Variants in DGKB observed in about 807,000 individuals in gnomAD.
The protein encoded by DGKB is 90 kDa diacylglycerol kinase.
A neutral mutation model predicts 114.3 loss-of-function variants in DGKB; 67 were observed. The observed-to-expected ratio is 0.59, with a 90% confidence interval of 0.48 to 0.72. The LOEUF is 0.72. Among genes scored for constraint, DGKB ranks in the 30% least tolerant of loss-of-function variants. DGKB has a pLI of 0.00. For synonymous variants in DGKB, 398 were observed against 323.1 expected, an observed-to-expected ratio of 1.23 and a Z score of -2.49; for missense variants, 907 against 975.2, an observed-to-expected ratio of 0.93 and a Z score of 0.93.
At chr7:14,359,524 C>G (rs1259831320) in intron 21 of DGKB, among the ~76,000 whole-genome samples, 1 of 151,564 alleles carries the variant, frequency 6.6e-6, no homozygotes, top group Admixed American at 6.6e-5. Flanking sequence ...TCAGAGTGAA[C>G]AGGCAACCTA....
chr7:14,783,562 T>C (rs1304441074), intron 2 of DGKB, among the ~76,000 whole-genome samples: 1 of 152,220 alleles, frequency 6.6e-6, no homozygotes, highest in East Asian at 1.9e-4. Flanking sequence ...AGGCAATTAA[T>C]GGAGTGGTTA....
chr7:14,177,382 C>G (rs1347248326), intron 24 of DGKB, among the ~76,000 whole-genome samples: 3 of 151,638 alleles, frequency 2.0e-5, no homozygotes, highest in African/African-American at 7.3e-5. Flanking sequence ...TGGTGAAACC[C>G]CATCTGTACT....
chr7:14,297,294 CA>C (rs1802748608), intron 23 of DGKB, among the ~76,000 whole-genome samples: 1 of 151,946 alleles, frequency 6.6e-6, no homozygotes, highest in African/African-American at 2.4e-5. Context: ...ATATGGATGC[CA>C]AAATTCTCAG....
At chr7:14,601,493 A>C (rs911587229) in intron 17 of DGKB, among the ~76,000 whole-genome samples, 1 of 152,136 alleles carries the variant, frequency 6.6e-6, no homozygotes, top group African/African-American at 2.4e-5. Context: ...TCATAAACAC[A>C]TTTCTCTTTC....
At chr7:14,489,423 A>G (rs371482484) in intron 20 of DGKB, among the ~76,000 whole-genome samples, 119 of 152,258 alleles carry the variant, frequency 7.8e-4, no homozygotes, top group African/African-American at 2.7e-3. Flanking sequence ...AATAATCAAG[A>G]TATCTTTCTC....
chr7:14,603,243 G>A (rs540989326), intron 17 of DGKB, among the ~76,000 whole-genome samples: 31 of 152,238 alleles, frequency 2.0e-4, no homozygotes, highest in Non-Finnish European at 2.8e-4. Flanking sequence ...AGAGCTTGCC[G>A]AATCATCTGC....
At chr7:14,910,867 T>C (rs1783967683) in intron 1 of DGKB, among the ~76,000 whole-genome samples, 1 of 152,208 alleles carries the variant, frequency 6.6e-6, no homozygotes, top group African/African-American at 2.4e-5. Context: ...ATATCACTAA[T>C]GCTTGAAATA....
At chr7:14,573,237 C>T (rs1798644607) in intron 20 of DGKB, among the ~76,000 whole-genome samples, 1 of 152,052 alleles carries the variant, frequency 6.6e-6, no homozygotes, top group Non-Finnish European at 1.5e-5. Context: ...GTATTAGTAA[C>T]CATTGTATAT....
intron 4 of DGKB, among the ~76,000 whole-genome samples, chr7:14,747,363 T>TC (rs5882457): frequency 1.5e-5 from 1 of 67,828 alleles, no homozygotes; most frequent in African/African-American, 2.5e-4. Context: ...TGGCTAATAG[T>TC]TTTTTTTTTT....
At chr7:14,966,359 G>A (rs148664082) in intron 1 of DGKB, among the ~76,000 whole-genome samples, 2,565 of 151,932 alleles carry the variant, frequency 0.017, 52 homozygotes, top group Middle Eastern at 0.024. Context: ...CTATCAGAAT[G>A]GATTCCCATC....
chr7:14,750,166 G>T (rs748634229), intron 4 of DGKB: 4 of 518,124 alleles, frequency 7.7e-6, no homozygotes, highest in African/African-American at 7.7e-5. Context: ...AATTGACACT[G>T]AAGACATAAA....
At chr7:14,809,647 T>G (rs1427622481) in intron 2 of DGKB, among the ~76,000 whole-genome samples, 1 of 152,188 alleles carries the variant, frequency 6.6e-6, no homozygotes, top group Non-Finnish European at 1.5e-5. Context: ...TCTTAAGTTT[T>G]AATATCTTTG....
At chr7:14,293,359 A>G (rs755315189) in intron 23 of DGKB, among the ~76,000 whole-genome samples, 31 of 152,306 alleles carry the variant, frequency 2.0e-4, no homozygotes, top group Non-Finnish European at 3.8e-4. Context: ...AACAAATGCA[A>G]CTAAGATCTT....
intron 20 of DGKB, among the ~76,000 whole-genome samples, chr7:14,503,459 C>T (rs1786520894): frequency 6.6e-6 from 1 of 152,054 alleles, no homozygotes; most frequent in Non-Finnish European, 1.5e-5. Flanking sequence ...AAATTTATAT[C>T]ATGATCTATA....
chr7:14,296,526 G>A (rs56152238), intron 23 of DGKB, among the ~76,000 whole-genome samples: 5,724 of 152,120 alleles, frequency 0.038, 337 homozygotes, highest in African/African-American at 0.13. Context: ...AGCCACTAAT[G>A]GGATTGCTGG....
At chr7:14,527,329 T>G (rs1790812871) in intron 20 of DGKB, among the ~76,000 whole-genome samples, 1 of 152,158 alleles carries the variant, frequency 6.6e-6, no homozygotes, top group Non-Finnish European at 1.5e-5. Flanking sequence ...TTTAGTAATT[T>G]GTTTAGTAAA....
intron 13 of DGKB, among the ~76,000 whole-genome samples, chr7:14,662,119 TG>T (rs1817233519): frequency 6.6e-6 from 1 of 152,022 alleles, no homozygotes; most frequent in African/African-American, 2.4e-5. Context: ...GACGAGTTAG[TG>T]GGTGCAGCGC....
chr7:14,482,856 G>A (rs78794501), intron 20 of DGKB, among the ~76,000 whole-genome samples: 1 of 152,070 alleles, frequency 6.6e-6, no homozygotes, highest in Non-Finnish European at 1.5e-5. Flanking sequence ...CCACAAGTGG[G>A]ATTATTTCCC....
intron 20 of DGKB, among the ~76,000 whole-genome samples, chr7:14,573,849 C>T (rs531478034): frequency 1.3e-5 from 2 of 152,042 alleles, no homozygotes; most frequent in East Asian, 1.9e-4. Context: ...AAATTTAACG[C>T]AATATTTTCA....
Sources: allele counts gnomAD v4.1 joint callset (sites outside exome capture counted in the v4.1 genomes callset), GRCh38; gene constraint gnomAD v4.1.1; transcripts MANE v1.5; gene names NCBI Gene and HGNC (gene_info 2026-07-23, HGNC 2026-07-21).